Variants in KDM6A observed in about 807,000 individuals in gnomAD.
The protein encoded by KDM6A is lysine-specific demethylase 6A.
A neutral mutation model predicts 117.6 loss-of-function variants in KDM6A; 11 were observed. That is an observed-to-expected ratio of 0.09 (90% CI 0.06 to 0.15). KDM6A has a LOEUF of 0.15. Ranked by LOEUF, KDM6A falls within the 10% of genes least tolerant of loss-of-function variation. KDM6A has a pLI of 1.00. For missense variants in KDM6A, 799 were observed against 1,077.3 expected (o/e 0.74, Z 3.62); for synonymous variants, 384 against 396.1 (o/e 0.97, Z 0.36).
chrX:44,879,231 AT>A (rs2032005261), intron 2 of KDM6A, among the ~76,000 whole-genome samples: 1 of 112,075 alleles, frequency 8.9e-6, no homozygotes, highest in South Asian at 3.6e-4. Context: ...TGTTAAGTTT[AT>A]TTTTACTTTG....
At chrX:45,041,177 A>AC (rs1156361064) in intron 8 of KDM6A, among the ~76,000 whole-genome samples, 7 of 37,569 alleles carry the variant, frequency 1.9e-4, no homozygotes, top group South Asian at 1.6e-3. Context: ...CAGGGGGCTG[A>AC]CCCCCCCCTC....
intron 6 of KDM6A, among the ~76,000 whole-genome samples, chrX:45,033,135 A>G (rs770419192): frequency 8.9e-6 from 1 of 112,111 alleles, no homozygotes; most frequent in Non-Finnish European, 1.9e-5. Context: ...TTACAGGACA[A>G]ATTAGACTTA....
chrX:45,064,266 C>T (rs748881115), intron 17 of KDM6A, among the ~76,000 whole-genome samples: 4 of 111,595 alleles, frequency 3.6e-5, no homozygotes, highest in African/African-American at 1.3e-4. Context: ...AAAGTTCTAT[C>T]AGAGTACCTA....
chrX:44,895,433 T>C lies in KDM6A; in HGVS notation c.225+21446T>C, dbSNP rs1192461376. Among the ~76,000 whole-genome samples, 4 of 103,240 alleles carry C rather than the reference T, an allele frequency of 3.9e-5. No homozygotes were observed. In the Admixed American group the frequency reaches 4.2e-4, roughly 11 times the overall value. The allele number at this position is 103,240 out of a possible 115,157, so 89.7% of individuals were successfully genotyped here. ...CGCTCTGGGCCAACTTTTATTTTTT[T>C]AAGAACCAACTTTTTATTGATTGCT... On this transcript the variant is annotated intron_variant, in intron 2 of 29. Transcript: ENST00000611820.
intron 24 of KDM6A, among the ~76,000 whole-genome samples, chrX:45,084,099 C>CG (rs1490276292): frequency 5.4e-5 from 6 of 111,809 alleles, no homozygotes; most frequent in Non-Finnish European, 1.1e-4. Flanking sequence ...TCACAACTCA[C>CG]GGTTTTAAAA....
rs748724294 is a variant in KDM6A, at chrX:45,010,964, G to A, written c.388G>A (p.Ala130Thr). ...YSLQSDYWKN[A>T]AFLYGLGLVY... is the part of the protein sequence containing the mutation. ...ATCTTTTTCCCTTCCTTTACAGAATGCTGCCTTTTTATATGGTCTTGGTTT... is the reference window on the plus strand; with the variant it reads ...ATCTTTTTCCCTTCCTTTACAGAATACTGCCTTTTTATATGGTCTTGGTTT... Residue 130 changes from alanine to threonine, a missense_variant, in exon 5 of 30, where the codon GCT (alanine) becomes ACT (threonine). Around this residue, in one of 8 missense-constraint regions of KDM6A, gnomAD observed 89 missense variants for 117.8 expected, o/e 0.76. Coordinates refer to ENST00000611820, the MANE Select transcript of KDM6A (RefSeq NM_001291415.2). 3.8e-5 allele frequency: 45 copies of A among 1,194,589 alleles called. No individual in the cohort carries two copies. In the South Asian group the frequency reaches 7.7e-4, roughly 20 times the overall value.
chrX:45,079,017 T>C, intron 20 of KDM6A, 129 bp from the exon 21 acceptor site: 1 of 558,215 alleles, frequency 1.8e-6, no homozygotes. Flanking sequence ...GCAGAGGCCC[T>C]AGTTTTTTAT....
At chrX:44,973,042 A>G (rs183372146) in intron 3 of KDM6A, among the ~76,000 whole-genome samples, 2 of 110,453 alleles carry the variant, frequency 1.8e-5, no homozygotes, top group East Asian at 5.7e-4. Flanking sequence ...CTCAAAAAAA[A>G]AAAAGTAAAT....
intron 24 of KDM6A, 111 bp downstream of exon 24, chrX:45,083,719 G>A: frequency 1.4e-6 from 1 of 706,821 alleles, no homozygotes; most frequent in Non-Finnish European, 2.1e-6. Flanking sequence ...ACTGAGAGTT[G>A]TTCCTGTTAT....
intron 8 of KDM6A, among the ~76,000 whole-genome samples, chrX:45,040,596 C>T (rs1424438797): frequency 1.3e-5 from 1 of 79,006 alleles, no homozygotes; most frequent in African/African-American, 5.6e-5. Context: ...CCTCACCTCC[C>T]GGACGGGGCG....
At chrX:44,952,423 C>G (rs909205049) in intron 2 of KDM6A, among the ~76,000 whole-genome samples, 1 of 109,992 alleles carries the variant, frequency 9.1e-6, no homozygotes, top group African/African-American at 3.3e-5. Flanking sequence ...AGGCGCCCAC[C>G]ACCACGCCCA....
intron 10 of KDM6A, among the ~76,000 whole-genome samples, chrX:45,057,377 C>T (rs2044117246): frequency 9.0e-6 from 1 of 111,486 alleles, no homozygotes; most frequent in African/African-American, 3.3e-5. Context: ...TTACAGCCCC[C>T]ACCCTGTGAA....
At chrX:45,105,955 C>T (rs768113976) in intron 27 of KDM6A, among the ~76,000 whole-genome samples, 1 of 111,892 alleles carries the variant, frequency 8.9e-6, no homozygotes, top group Non-Finnish European at 1.9e-5. Context: ...GCTCCTTATG[C>T]GAAGCTAATG....
At chrX:44,949,546 G>A (rs2037861290) in intron 2 of KDM6A, among the ~76,000 whole-genome samples, 1 of 110,711 alleles carries the variant, frequency 9.0e-6, no homozygotes, top group Non-Finnish European at 1.9e-5. Flanking sequence ...TAGATTTAAG[G>A]TTTTTCATAT....
chrX:45,070,414 A>G (rs916985294), intron 18 of KDM6A, 57 bp downstream of exon 18: 1 of 1,089,975 alleles, frequency 9.2e-7, no homozygotes, highest in Non-Finnish European at 1.3e-6. Context: ...CATGATCAGA[A>G]TGCTGAAATT....
rs1195885541 is a variant in KDM6A, at chrX:45,093,173, A to T, written c.4034+2309A>T. On this transcript the variant is annotated intron_variant, in intron 27 of 29. Coordinates refer to ENST00000611820, the MANE Select transcript of KDM6A (RefSeq NM_001291415.2). ...GAGGCGAGCCGGATCACTTGAGGTC[A>T]GGAGTTTGAGACCAGGCTGGCCAAC... is the stretch of plus-strand genomic sequence containing the variant. 1.2e-4 allele frequency among the ~76,000 whole-genome samples: 13 copies of T among 109,643 alleles called. No homozygotes were observed. In the Admixed American group the frequency reaches 1.3e-3, roughly 11 times the overall value.
At chrX:45,010,713 T>C (rs183894179) in intron 4 of KDM6A, among the ~76,000 whole-genome samples, 8 of 111,946 alleles carry the variant, frequency 7.1e-5, no homozygotes, top group Admixed American at 6.6e-4. Context: ...AGAATAGATT[T>C]TTAATTTTAG....
intron 2 of KDM6A, among the ~76,000 whole-genome samples, chrX:44,911,326 C>T (rs1193259029): frequency 5.6e-5 from 6 of 106,269 alleles, no homozygotes; most frequent in South Asian, 4.2e-4. Context: ...GGCTGCCGGG[C>T]GGAGGGACTC....
Position 45,038,189 on chromosome X carries a change from C to G in KDM6A, c.654+500C>G, listed in dbSNP as rs1403943911. On this transcript the variant is annotated intron_variant, in intron 8 of 29. Transcript: ENST00000611820. ...AGTGAGCTGAGATCTCGCCACTGCA[C>G]TCTAGCCTGGGCAACAGAGTGAGAC... Among the ~76,000 whole-genome samples, 7 of 111,402 alleles carry G rather than the reference C, an allele frequency of 6.3e-5. No homozygotes were observed. The Admixed American group carries it at 6.7e-4, about 11-fold the overall frequency.
Sources: allele counts gnomAD v4.1 joint callset (sites outside exome capture counted in the v4.1 genomes callset), GRCh38; gene constraint gnomAD v4.1.1; regional missense constraint gnomAD v4.1.1; transcripts MANE v1.5; gene names NCBI Gene and HGNC (gene_info 2026-07-23, HGNC 2026-07-21).